Variants in GABRB2 observed in about 807,000 individuals in gnomAD.
GABRB2 encodes the protein gamma-aminobutyric acid receptor subunit beta-2.
Under a neutral mutation model 54.7 loss-of-function variants are expected in GABRB2, and 16 were observed. The observed-to-expected ratio is 0.29, with a 90% CI of 0.20 to 0.44. GABRB2 has a LOEUF of 0.44. Among genes scored for constraint, GABRB2 ranks in the 20% least tolerant of loss-of-function variants. The probability of loss-of-function intolerance (pLI) is 1.00; values close to 1 mark genes in which losing one functional copy is unlikely to be tolerated. For missense variants in GABRB2, 355 were observed against 644.0 expected (o/e 0.55, Z 4.86); for synonymous variants, 244 against 233.8 (o/e 1.04, Z -0.40).
intron 3 of GABRB2, among the ~76,000 whole-genome samples, chr5:161,520,183 G>T (rs1041106150): frequency 6.6e-6 from 1 of 152,044 alleles, no homozygotes; most frequent in Non-Finnish European, 1.5e-5. Context: ...GATTATGTGA[G>T]TTGTATAATT....
intron 3 of GABRB2, among the ~76,000 whole-genome samples, chr5:161,533,493 G>C (rs10035468): frequency 0.094 from 14,338 of 152,054 alleles, 2,187 homozygotes; most frequent in African/African-American, 0.32. Context: ...ATATGAGTTA[G>C]AGTCATATAA....
intron 5 of GABRB2, among the ~76,000 whole-genome samples, chr5:161,375,581 C>T (rs1372253719): frequency 6.6e-6 from 1 of 152,152 alleles, no homozygotes; most frequent in Non-Finnish European, 1.5e-5. Context: ...TCTGAATGAA[C>T]AACATTATAG....
intron 3 of GABRB2, among the ~76,000 whole-genome samples, chr5:161,489,093 T>C (rs1561668801): frequency 6.6e-6 from 1 of 151,722 alleles, no homozygotes; most frequent in African/African-American, 2.4e-5. Context: ...CCGCTGCCAT[T>C]CTTCAAACAA....
chr5:161,330,261 T>C (rs1753792524), intron 8 of GABRB2: 1 of 152,178 alleles, frequency 6.6e-6, no homozygotes, highest in Non-Finnish European at 1.5e-5. Context: ...CAATGATAAG[T>C]GGTATATGTG....
chr5:161,517,941 C>T (rs567477168), intron 3 of GABRB2, among the ~76,000 whole-genome samples: 15 of 152,002 alleles, frequency 9.9e-5, no homozygotes, highest in East Asian at 3.9e-4. Flanking sequence ...GGACTACAGG[C>T]GCCCGCCACC....
chr5:161,443,224 C>A (rs1214829241), intron 4 of GABRB2, among the ~76,000 whole-genome samples: 1 of 152,168 alleles, frequency 6.6e-6, no homozygotes, highest in Non-Finnish European at 1.5e-5. Context: ...TCCATGCCTA[C>A]AGAAACTGAC....
Position 161,500,354 on chromosome 5 carries a change from A to G in GABRB2, c.238-40510T>C, listed in dbSNP as rs112213431. Among the ~76,000 whole-genome samples the G allele has an allele frequency of 5.7e-3, 868 of 152,020 alleles. 7 individuals carry two copies. Among genetic ancestry groups the G allele is most frequent in the African/African-American group, 0.02 (811 of 41,488 alleles). On this transcript the variant is annotated intron_variant, in intron 3 of 9. Transcript: ENST00000393959. The stretch of plus-strand genomic sequence containing the variant: ...ACCCACATATAAAACAGATGGCTGG[A>G]GTGGATGACCCTGAAGTCAATATAG...
At chr5:161,357,288 G>T (rs1406765425) in intron 5 of GABRB2, among the ~76,000 whole-genome samples, 2 of 152,028 alleles carry the variant, frequency 1.3e-5, no homozygotes, top group Non-Finnish European at 2.9e-5. Flanking sequence ...CTATAGAAAG[G>T]CATCCGAGGT....
Position 161,411,027 on chromosome 5 carries a change from G to A in GABRB2, c.489C>T (p.Asp163=), listed in dbSNP as rs1756502603. The change falls in exon 5 of 10, where the codon GAC becomes GAT. Residue 163 remains aspartate (D), a synonymous_variant. Transcript: ENST00000393959. ...GTTCATCCAGTGGGTACCTCCTTAGGTCCATCATGCAGGCAGCTGTGGTTG... is the reference window on the plus strand; with the variant it reads ...GTTCATCCAGTGGGTACCTCCTTAGATCCATCATGCAGGCAGCTGTGGTTG... ...RITTTAACMM[D]LRRYPLDEQN... is the part of the protein sequence containing the mutation. The A allele has an allele frequency of 1.9e-6, 3 of 1,613,452 alleles. No homozygotes were observed. Among genetic ancestry groups the A allele is most frequent in the Non-Finnish European group, 2.5e-6 (3 of 1,179,616 alleles).
intron 3 of GABRB2, among the ~76,000 whole-genome samples, chr5:161,540,415 T>A (rs1760775898): frequency 6.6e-6 from 1 of 152,238 alleles, no homozygotes; most frequent in Non-Finnish European, 1.5e-5. Context: ...TTCCACCACA[T>A]CTGCAGTGAC....
At chr5:161,448,757 T>C (rs1222817893) in intron 4 of GABRB2, among the ~76,000 whole-genome samples, 1 of 152,154 alleles carries the variant, frequency 6.6e-6, no homozygotes, top group Non-Finnish European at 1.5e-5. Flanking sequence ...TTCAGAAAAG[T>C]GTAACAAAAT....
upstream of GABRB2, chr5:161,546,768 G>T: frequency 2.0e-6 from 3 of 1,496,942 alleles, no homozygotes; most frequent in South Asian, 3.9e-5. Context: ...AAGGGGAAGC[G>T]GCGGCTGCCG....
At chr5:161,348,836 T>A (rs1754389454) in intron 5 of GABRB2, among the ~76,000 whole-genome samples, 1 of 152,094 alleles carries the variant, frequency 6.6e-6, no homozygotes, top group Non-Finnish European at 1.5e-5. Flanking sequence ...AGTTTTAAAT[T>A]TAATGTAACT....
intron 4 of GABRB2, among the ~76,000 whole-genome samples, chr5:161,453,536 C>T (rs1757855408): frequency 6.6e-6 from 1 of 152,158 alleles, no homozygotes; most frequent in Non-Finnish European, 1.5e-5. Context: ...AACCTGCCCT[C>T]ATCAGACACC....
chr5:161,478,235 C>A (rs759246550), intron 3 of GABRB2, among the ~76,000 whole-genome samples: 1 of 151,894 alleles, frequency 6.6e-6, no homozygotes, highest in African/African-American at 2.4e-5. Context: ...ATATTCTCTA[C>A]GAAGGGAAGA....
chr5:161,384,644 T>G (rs1227076497), intron 5 of GABRB2, among the ~76,000 whole-genome samples: 2 of 152,180 alleles, frequency 1.3e-5, no homozygotes, highest in African/African-American at 2.4e-5. Flanking sequence ...AAATGCAAAT[T>G]TGGCTCTTGG....
intron 7 of GABRB2, 148 bp from the exon 8 acceptor site, chr5:161,331,275 G>T: frequency 1.2e-6 from 1 of 852,664 alleles, no homozygotes; most frequent in Non-Finnish European, 1.8e-6. Flanking sequence ...CCAGCCCTAG[G>T]ATAGGGAATG....
chr5:161,515,364 G>A (rs540158385), intron 3 of GABRB2, among the ~76,000 whole-genome samples: 6 of 151,906 alleles, frequency 3.9e-5, no homozygotes, highest in Non-Finnish European at 7.4e-5. Flanking sequence ...TTTTCTATTC[G>A]GGGGATAGTT....
intron 5 of GABRB2, among the ~76,000 whole-genome samples, chr5:161,345,845 T>G (rs1754307138): frequency 6.6e-6 from 1 of 152,062 alleles, no homozygotes; most frequent in Non-Finnish European, 1.5e-5. Flanking sequence ...TCTCTATAGC[T>G]CTTTTCCTTC....
Sources: gnomAD v4.1 joint callset for allele counts (sites outside exome capture counted in the v4.1 genomes callset) on GRCh38, gnomAD v4.1.1 for gene constraint, MANE v1.5 for transcripts, NCBI Gene and HGNC (gene_info 2026-07-23, HGNC 2026-07-21) for gene names.